The following BIN1 variants were observed in gnomAD, a reference collection of about 807,000 sequenced individuals.
BIN1 encodes myc box-dependent-interacting protein 1.
Under a neutral mutation model 82.0 loss-of-function variants are expected in BIN1, and 53 were observed. That is an observed-to-expected ratio of 0.65 (90% CI 0.52 to 0.81). The LOEUF is 0.81. BIN1 is among the 40% of genes least tolerant of loss of function. The pLI, the probability that BIN1 is intolerant of heterozygous loss-of-function variation, is 0.00. For synonymous variants in BIN1, 302 were observed against 328.0 expected (o/e 0.92, Z 0.86); for missense variants, 642 against 784.4 (o/e 0.82, Z 2.17).
At chr2:127,053,340 C>T in intron 14 of BIN1, 82 bp downstream of exon 14, 1 of 1,577,448 alleles carries the variant, frequency 6.3e-7, no homozygotes, top group African/African-American at 1.3e-5. Flanking sequence ...CACCTGTGAA[C>T]AGGCTAGGAG....
Position 127,106,950 on chromosome 2 carries a change from G to A in BIN1, c.-7C>T, listed in dbSNP as rs371530719. On this transcript the variant is annotated 5_prime_UTR_variant, in exon 1 of 19. Transcript: ENST00000316724. The stretch of plus-strand genomic sequence containing the variant: ...TACTGCCCATCTCTGCCATCGCGGC[G>A]CAGGCCTCGCCCGGTGGCAGGGGCC... 1.6e-4 allele frequency: 251 copies of A among 1,609,566 alleles called. No homozygotes were observed. In the African/African-American group the frequency reaches 2.8e-3, roughly 18 times the overall value.
At chr2:127,103,738 T>C (rs1680651141) in intron 1 of BIN1, among the ~76,000 whole-genome samples, 1 of 152,166 alleles carries the variant, frequency 6.6e-6, no homozygotes, top group South Asian at 2.1e-4. Context: ...TGCCAACCTC[T>C]AATCCTCCCC....
intron 17 of BIN1, 139 bp from the exon 18 acceptor site, chr2:127,050,661 C>T: frequency 7.6e-7 from 1 of 1,312,160 alleles, no homozygotes; most frequent in Non-Finnish European, 1.1e-6. Context: ...GTATGGGGCT[C>T]AGATGCCACC....
At position 127,053,545 on chromosome 2, in the gene BIN1, A is replaced by G. The variant is rs1025707510; in HGVS notation, c.1240-100T>C. The G allele has an allele frequency of 1.5e-5, 22 of 1,491,086 alleles. No individual in the cohort carries two copies. In the Admixed American group the frequency reaches 4.2e-4, roughly 29 times the overall value. 92.4% of individuals were successfully genotyped at this position (1,491,086 alleles called of 1,614,324 possible). ...ACCCTACCCCCGCTCGCCCCAGGCC[A>G]TCCAGCCCAGCAGGCACAGGAGTGG... On this transcript the variant is annotated intron_variant, in intron 13 of 18. Coordinates refer to ENST00000316724, the MANE Select transcript of BIN1 (RefSeq NM_139343.3).
chr2:127,073,672 T>C (rs1448126363), intron 2 of BIN1, among the ~76,000 whole-genome samples: 1 of 152,090 alleles, frequency 6.6e-6, no homozygotes, highest in Admixed American at 6.5e-5. Context: ...CTTCACTCAA[T>C]AGTCAGGGAT....
chr2:127,106,842 G>A lies in BIN1; in HGVS notation c.84+18C>T. Reference sequence around the variant, plus strand: ...GGCGGCTGGGACTCCGCGGCTGCTGGGGCTCCGGCTCGCTCACCTTCTCCT... The same window carrying A: ...GGCGGCTGGGACTCCGCGGCTGCTGAGGCTCCGGCTCGCTCACCTTCTCCT... On this transcript the variant is annotated intron_variant, in intron 1 of 18. Transcript: ENST00000316724. 6.3e-7 allele frequency: 1 copy of A among 1,586,804 alleles called. No homozygotes were observed. The highest frequency in any genetic ancestry group is 8.6e-7 in the Non-Finnish European group (1 of 1,168,834).
chr2:127,054,326 G>A lies in BIN1; in HGVS notation c.1132-314C>T, dbSNP rs772616410. On this transcript the variant is annotated intron_variant, in intron 12 of 18. Coordinates refer to ENST00000316724, the MANE Select transcript of BIN1 (RefSeq NM_139343.3). ...CCGCCCGTGGCCGCCACCCCGCAGG[G>A]CCAGCACCAGGCCCCAGCTCTCTTC... The A allele has an allele frequency of 3.2e-4, 131 of 408,018 alleles. 1 individual carries two copies. The highest frequency in any genetic ancestry group is 5.6e-4 in the Non-Finnish European group (121 of 216,086). 25.3% of individuals were successfully genotyped at this position (408,018 alleles called of 1,614,324 possible). A position where few individuals can be genotyped will look rare whatever the true frequency, so the allele number is the denominator to read the frequency against.
chr2:127,050,276 G>A, intron 18 of BIN1, 145 bp downstream of exon 18: 1 of 778,752 alleles, frequency 1.3e-6, no homozygotes, highest in Non-Finnish European at 2.2e-6. Context: ...CGACGTGGAG[G>A]GCGGGGAGGA....
chr2:127,087,171 G>C (rs763880023), intron 1 of BIN1, among the ~76,000 whole-genome samples: 2 of 152,164 alleles, frequency 1.3e-5, no homozygotes, highest in Non-Finnish European at 2.9e-5. Flanking sequence ...GGTCAAAAAC[G>C]AAAACACAGA....
At position 127,106,928 on chromosome 2, in the gene BIN1, T is replaced by TG. The variant is rs1558900086; in HGVS notation, c.15dup (p.Ser6GlnfsTer2). 6.2e-7 allele frequency: 1 copy of TG among 1,611,936 alleles called. No homozygotes were observed. The highest frequency in any genetic ancestry group is 1.7e-5 in the Admixed American group (1 of 59,968). ...ATCTTTCCCGCCGTCACCCCTTTACTGCCCATCTCTGCCATCGCGGCGCAG... is the reference window on the plus strand; with the variant it reads ...ATCTTTCCCGCCGTCACCCCTTTACTGGCCCATCTCTGCCATCGCGGCGCAG... On this transcript the variant is annotated frameshift_variant, in exon 1 of 19. Coordinates refer to ENST00000316724, the MANE Select transcript of BIN1 (RefSeq NM_139343.3). LOFTEE classifies it high-confidence loss of function.
At position 127,048,396 on chromosome 2, in the gene BIN1, C is replaced by A; in HGVS notation, c.*130G>T. The A allele has an allele frequency of 1.1e-6, 1 of 880,942 alleles. No individual in the cohort carries two copies. The highest frequency in any genetic ancestry group is 2.1e-5 in the Admixed American group (1 of 47,526). The allele number at this position is 880,942 out of a possible 1,614,324, so 54.6% of individuals were successfully genotyped here. A position where few individuals can be genotyped will look rare whatever the true frequency, so the allele number is the denominator to read the frequency against. Reference sequence around the variant, plus strand: ...AATCTTTGGGAGAACGCCCCTCTGCCTGGGGGTCTCCTCTTGATTTCCCTT... The same window carrying A: ...AATCTTTGGGAGAACGCCCCTCTGCATGGGGGTCTCCTCTTGATTTCCCTT... On this transcript the variant is annotated 3_prime_UTR_variant, in exon 19 of 19. Coordinates refer to ENST00000316724, the MANE Select transcript of BIN1 (RefSeq NM_139343.3).
At position 127,082,685 on chromosome 2, in the gene BIN1, C is replaced by T. The variant is rs567503917; in HGVS notation, c.85-5979G>A. ...AGTCACCTAGTTCCCCAGCACACAA[C>T]CCCTCCTCCAAGCCCATCTCTCAAA... On this transcript the variant is annotated intron_variant, in intron 1 of 18. Coordinates refer to ENST00000316724, the MANE Select transcript of BIN1 (RefSeq NM_139343.3). This position sits in a 1 kb window ranked among gnomAD's most constrained non-coding sequence, Gnocchi z 6.1. 6.6e-6 allele frequency among the ~76,000 whole-genome samples: 1 copy of T among 152,318 alleles called. No individual in the cohort carries two copies. Among genetic ancestry groups the T allele is most frequent in the East Asian group, 1.9e-4 (1 of 5,190 alleles).
chr2:127,062,132 C>A lies in BIN1; in HGVS notation c.840G>T (p.Thr280=). The stretch of plus-strand genomic sequence containing the variant: ...GCACGCACCTGGGCTGGGCCTTGAC[C>A]GTGAAGGTGTTGCTCCCGTGTTGCT... ...LEKQHGSNTF[T]VKAQPSDNAP... is the part of the protein sequence containing the mutation. The change falls in exon 10 of 19, where the codon ACG becomes ACT. Residue 280 remains threonine, a synonymous_variant. Coordinates refer to ENST00000316724, the MANE Select transcript of BIN1 (RefSeq NM_139343.3). 1.2e-6 allele frequency: 2 copies of A among 1,609,732 alleles called. No homozygotes were observed. Among genetic ancestry groups the A allele is most frequent in the Middle Eastern group, 1.7e-4 (1 of 6,060 alleles).
chr2:127,086,847 G>A (rs557644202), intron 1 of BIN1, among the ~76,000 whole-genome samples: 8 of 149,316 alleles, frequency 5.4e-5, no homozygotes, highest in South Asian at 2.2e-4. Context: ...CCCAGGAAGC[G>A]CCTGGCCTCA....
At chr2:127,061,468 C>T (rs1403431371) in intron 10 of BIN1, among the ~76,000 whole-genome samples, 2 of 152,220 alleles carry the variant, frequency 1.3e-5, no homozygotes, top group Non-Finnish European at 2.9e-5. Context: ...CTGTCACACA[C>T]AGTCCCCCTC....
intron 9 of BIN1, 98 bp downstream of exon 9, chr2:127,063,473 G>T: frequency 7.7e-7 from 1 of 1,296,464 alleles, no homozygotes; most frequent in Non-Finnish European, 1.1e-6. Context: ...GCTGAACCTG[G>T]CAGGGAAGGA....
At chr2:127,073,084 C>T (rs772530114) in intron 2 of BIN1, among the ~76,000 whole-genome samples, 21 of 152,218 alleles carry the variant, frequency 1.4e-4, no homozygotes, top group South Asian at 2.1e-4. Context: ...GGCTTCAGGC[C>T]GTACCAGGGC....
At position 127,067,334 on chromosome 2, in the gene BIN1, C is replaced by T. The variant is rs919449245; in HGVS notation, c.612+829G>A. ...GCCTCAGTTTCATTGGCGAGAAAAC[C>T]ACATGACCCACCTCTCACAGGGCAC... is the stretch of plus-strand genomic sequence containing the variant. On this transcript the variant is annotated intron_variant, in intron 7 of 18. Coordinates refer to ENST00000316724, the MANE Select transcript of BIN1 (RefSeq NM_139343.3). This position sits in a 1 kb window ranked among gnomAD's most constrained non-coding sequence, Gnocchi z 4.7. Among the ~76,000 whole-genome samples, 1 of 152,186 alleles carries T rather than the reference C, an allele frequency of 6.6e-6. No homozygotes were observed. Among genetic ancestry groups the T allele is most frequent in the East Asian group, 1.9e-4 (1 of 5,180 alleles).
Position 127,070,081 on chromosome 2 carries a change from G to A in BIN1, c.325C>T (p.Leu109=). 6.2e-7 allele frequency: 1 copy of A among 1,613,976 alleles called. No homozygotes were observed. Among genetic ancestry groups the A allele is most frequent in the Non-Finnish European group, 8.5e-7 (1 of 1,179,968 alleles). ...EANKIAENND[L]LWMDYHQKLV... ...TTCTGGTGGTAATCCATCCACAGCAGGTCGTTGTTCTGAGACAGGCAAGAG... is the reference window on the plus strand; with the variant it reads ...TTCTGGTGGTAATCCATCCACAGCAAGTCGTTGTTCTGAGACAGGCAAGAG... The change falls in exon 5 of 19, where the codon CTG becomes TTG. Residue 109 remains leucine, a synonymous_variant. Coordinates refer to ENST00000316724, the MANE Select transcript of BIN1 (RefSeq NM_139343.3).
Sources: gnomAD v4.1 joint callset for allele counts (sites outside exome capture counted in the v4.1 genomes callset) on GRCh38, gnomAD v4.1.1 for gene constraint, Gnocchi (gnomAD v3.1) non-coding constraint, MANE v1.5 for transcripts, NCBI Gene and HGNC (gene_info 2026-07-23, HGNC 2026-07-21) for gene names.